Variants in MACROD2 observed in about 807,000 individuals in gnomAD.
MACROD2 encodes ADP-ribose glycohydrolase MACROD2.
MACROD2 carries 36 observed loss-of-function variants against 70.4 expected under a neutral mutation model. The observed-to-expected ratio is 0.51, with a 90% CI of 0.39 to 0.68. The LOEUF is 0.68. Ranked by LOEUF, MACROD2 falls within the 30% of genes least tolerant of loss-of-function variation. The pLI, the probability that MACROD2 is intolerant of heterozygous loss-of-function variation, is 0.00. For synonymous variants in MACROD2, 172 were observed against 178.8 expected, an observed-to-expected ratio of 0.96 and a Z score of 0.30; for missense variants, 496 against 538.4, an observed-to-expected ratio of 0.92 and a Z score of 0.78.
intron 3 of MACROD2, among the ~76,000 whole-genome samples, chr20:14,152,029 G>C (rs1357127975): frequency 6.6e-6 from 1 of 151,394 alleles, no homozygotes; most frequent in Non-Finnish European, 1.5e-5. Context: ...CACTGTGTTA[G>C]CCAGGATGGT....
At chr20:14,330,757 T>C (rs1042479964) in intron 3 of MACROD2, among the ~76,000 whole-genome samples, 1 of 152,142 alleles carries the variant, frequency 6.6e-6, no homozygotes, top group Non-Finnish European at 1.5e-5. Flanking sequence ...TGTGAGGTTT[T>C]ACTGTGATGC....
intron 8 of MACROD2, among the ~76,000 whole-genome samples, chr20:15,601,913 A>G (rs2048826395): frequency 6.6e-6 from 1 of 152,144 alleles, no homozygotes; most frequent in Non-Finnish European, 1.5e-5. Context: ...CTGTAATCCC[A>G]GCTACTCGGG....
At chr20:15,215,963 T>C in intron 5 of MACROD2, among the ~76,000 whole-genome samples, 1 of 152,104 alleles carries the variant, frequency 6.6e-6, no homozygotes, top group East Asian at 1.9e-4. Flanking sequence ...CTCCTAGACA[T>C]ATAAACTCGC....
intron 5 of MACROD2, among the ~76,000 whole-genome samples, chr20:14,759,615 T>C (rs2071987632): frequency 6.6e-6 from 1 of 152,130 alleles, no homozygotes; most frequent in African/African-American, 2.4e-5. Flanking sequence ...AATTTTAATT[T>C]ACAGTGACAA....
At chr20:14,438,737 C>T (rs543725530) in intron 3 of MACROD2, among the ~76,000 whole-genome samples, 18 of 152,244 alleles carry the variant, frequency 1.2e-4, no homozygotes, top group South Asian at 8.3e-4. Context: ...TCAAGTTCTT[C>T]GCCCATTTTA....
chr20:14,954,912 T>C (rs2074514868), intron 5 of MACROD2, among the ~76,000 whole-genome samples: 1 of 108,270 alleles, frequency 9.2e-6, no homozygotes. Context: ...TTATATTTTA[T>C]ATAATTAAAT....
At chr20:15,436,038 T>C (rs1303281919) in intron 7 of MACROD2, among the ~76,000 whole-genome samples, 1 of 152,160 alleles carries the variant, frequency 6.6e-6, no homozygotes, top group Non-Finnish European at 1.5e-5. Flanking sequence ...CATATTGCTT[T>C]TGGTTAGTCC....
rs149576595 is a variant in MACROD2 at position 15,589,827 on chromosome 20, A to G, written c.645+89980A>G. Among the ~76,000 whole-genome samples, 698 of 152,270 alleles carry G rather than the reference A, an allele frequency of 4.6e-3. 4 individuals are homozygous for G. Among genetic ancestry groups the G allele is most frequent in the African/African-American group, 0.016 (645 of 41,552 alleles). ...GTGAATATGCATTTTAATTTTCTCC[A>G]TGTCTTTTCATGGCTTGATAACTCA... On this transcript the variant is annotated intron_variant, in intron 8 of 17. Coordinates refer to ENST00000684519, the MANE Select transcript of MACROD2 (RefSeq NM_001351661.2).
intron 2 of MACROD2, among the ~76,000 whole-genome samples, chr20:14,045,920 T>C (rs1279202046): frequency 6.6e-6 from 1 of 152,190 alleles, no homozygotes; most frequent in Non-Finnish European, 1.5e-5. Flanking sequence ...TGAACTCAGC[T>C]GAACAGAGAA....
At chr20:15,051,898 C>T (rs952938277) in intron 5 of MACROD2, among the ~76,000 whole-genome samples, 1 of 151,956 alleles carries the variant, frequency 6.6e-6, no homozygotes, top group Non-Finnish European at 1.5e-5. Context: ...ACTACAGGCA[C>T]GCGCCACTAC....
At chr20:14,765,095 T>C (rs1337072242) in intron 5 of MACROD2, among the ~76,000 whole-genome samples, 2 of 152,122 alleles carry the variant, frequency 1.3e-5, no homozygotes, top group Non-Finnish European at 2.9e-5. Flanking sequence ...CTCTTTAAAT[T>C]TGAGAATACA....
At chr20:15,744,693 TACACACACACACACAC>T (rs11467530) in intron 8 of MACROD2, among the ~76,000 whole-genome samples, 6,985 of 148,266 alleles carry the variant, frequency 0.047, 222 homozygotes, top group East Asian at 0.16. Flanking sequence ...AAACCAAGTA[TACACACACACACACAC>T]ACACACACAC....
intron 5 of MACROD2, among the ~76,000 whole-genome samples, chr20:14,792,509 T>C (rs1225424065): frequency 6.6e-6 from 1 of 152,054 alleles, no homozygotes; most frequent in African/African-American, 2.4e-5. Context: ...CATTTGGTGA[T>C]CTGCCGAAAC....
At chr20:15,055,404 G>T (rs2075476389) in intron 5 of MACROD2, among the ~76,000 whole-genome samples, 1 of 152,052 alleles carries the variant, frequency 6.6e-6, no homozygotes, top group African/African-American at 2.4e-5. Flanking sequence ...TCAATCTCTG[G>T]GTCTTGGTTT....
chr20:14,831,145 T>G (rs1366923368), intron 5 of MACROD2, among the ~76,000 whole-genome samples: 2 of 152,078 alleles, frequency 1.3e-5, no homozygotes, highest in Admixed American at 6.6e-5. Context: ...GCCACTGCTG[T>G]CACCTCACCA....
chr20:15,564,452 A>G (rs6074919), intron 8 of MACROD2, among the ~76,000 whole-genome samples: 26,714 of 152,112 alleles, frequency 0.18, 2,934 homozygotes, highest in Middle Eastern at 0.31. Flanking sequence ...TTGAAAATGT[A>G]TTTTCATGCT....
At chr20:15,868,013 C>T (rs1007211837) in intron 9 of MACROD2, among the ~76,000 whole-genome samples, 1 of 152,120 alleles carries the variant, frequency 6.6e-6, no homozygotes, top group African/African-American at 2.4e-5. Context: ...GCTAAGCATT[C>T]TACAGTGCAC....
chr20:15,875,853 T>C (rs2064660086), intron 9 of MACROD2, among the ~76,000 whole-genome samples: 1 of 151,930 alleles, frequency 6.6e-6, no homozygotes, highest in Admixed American at 6.6e-5. Flanking sequence ...TGCAGGGTGC[T>C]TTTGAAAGGC....
chr20:14,767,514 A>ATT (rs2072106738), intron 5 of MACROD2, among the ~76,000 whole-genome samples: 2 of 151,854 alleles, frequency 1.3e-5, no homozygotes, highest in South Asian at 4.2e-4. Flanking sequence ...ATATAAACAG[A>ATT]ATGGGTTTGA....
Sources: allele counts gnomAD v4.1 joint callset (sites outside exome capture counted in the v4.1 genomes callset), GRCh38; gene constraint gnomAD v4.1.1; transcripts MANE v1.5; gene names NCBI Gene and HGNC (gene_info 2026-07-23, HGNC 2026-07-21).